ENOX1: variants seen among roughly 807,000 people sequenced by gnomAD.
The protein encoded by ENOX1 is ecto-NOX disulfide-thiol exchanger 1.
Under a neutral mutation model 82.5 loss-of-function variants are expected in ENOX1, and 42 were observed. That is an observed-to-expected ratio of 0.51 (90% CI 0.40 to 0.66). ENOX1 has a LOEUF of 0.66. Ranked by LOEUF, ENOX1 falls within the 30% of genes least tolerant of loss-of-function variation. The pLI is 0.00. For synonymous variants in ENOX1, 271 were observed against 282.2 expected, an observed-to-expected ratio of 0.96 and a Z score of 0.40; for missense variants, 608 against 811.6, an observed-to-expected ratio of 0.75 and a Z score of 3.05.
At position 43,344,714 on chromosome 13, in the gene ENOX1, A is replaced by G; in HGVS notation, c.860T>C (p.Leu287Pro). ...SKFSEAITVL[L>P]SWIERGEVNR... ...CACTTCCCCTCGTTCAATCCAGGAA[A>G]GCAGCACTGTGATAGCCTCTGAAAA... Residue 287 changes from leucine (L) to proline (P), a missense_variant, in exon 9 of 17, where the codon CTT becomes CCT. Physicochemically the swap from Leu to Pro is moderately conservative, Grantham distance 98. Transcript: ENST00000690772. 3 of 1,614,200 alleles carry G rather than the reference A, an allele frequency of 1.9e-6. No individual in the cohort carries two copies. Among genetic ancestry groups the G allele is most frequent in the South Asian group, 2.2e-5 (2 of 91,078 alleles).
At chr13:43,243,135 C>CAAAAAAA (rs748084568) in intron 14 of ENOX1, among the ~76,000 whole-genome samples, 6 of 81,552 alleles carry the variant, frequency 7.4e-5, no homozygotes, top group Admixed American at 5.5e-4. Context: ...GACTCTGTCT[C>CAAAAAAA]AAAAAAAAAA....
chr13:43,735,696 G>T (rs2089593029), intron 1 of ENOX1, among the ~76,000 whole-genome samples: 1 of 152,140 alleles, frequency 6.6e-6, no homozygotes, highest in Non-Finnish European at 1.5e-5. Flanking sequence ...ACTCCAGCCT[G>T]GGTGACAGAG....
At chr13:43,249,337 C>T (rs2043319147) in intron 14 of ENOX1, among the ~76,000 whole-genome samples, 1 of 152,156 alleles carries the variant, frequency 6.6e-6, no homozygotes, top group Non-Finnish European at 1.5e-5. Context: ...GTAACCCACA[C>T]TGCTATAGCT....
intron 15 of ENOX1, among the ~76,000 whole-genome samples, chr13:43,228,095 C>CTTTTTT (rs551861545): frequency 1.4e-4 from 12 of 84,718 alleles, no homozygotes; most frequent in African/African-American, 5.1e-4. Context: ...CTCTTTGCAG[C>CTTTTTT]TTTTTTTTTT....
At position 43,388,142 on chromosome 13, in the gene ENOX1, G is replaced by A. The variant is rs2052546230; in HGVS notation, c.208+23774C>T. ...TAACAACAATGAAGCCTGCCAGATTGGTGTCACTTAAGAGACATGATCTAA... is the reference window on the plus strand; with the variant it reads ...TAACAACAATGAAGCCTGCCAGATTAGTGTCACTTAAGAGACATGATCTAA... On this transcript the variant is annotated intron_variant, in intron 5 of 16. Coordinates refer to ENST00000690772, the MANE Select transcript of ENOX1 (RefSeq NM_001347969.2). Among the ~76,000 whole-genome samples, 4 of 152,138 alleles carry A rather than the reference G, an allele frequency of 2.6e-5. No homozygotes were observed. In the South Asian group the frequency reaches 8.3e-4, roughly 32 times the overall value.
At chr13:43,779,830 T>C (rs1189914481) in intron 1 of ENOX1, among the ~76,000 whole-genome samples, 2 of 152,166 alleles carry the variant, frequency 1.3e-5, no homozygotes, top group Non-Finnish European at 2.9e-5. Context: ...GCAAGCAGCA[T>C]GTTCTCTTCC....
intron 2 of ENOX1, among the ~76,000 whole-genome samples, chr13:43,661,415 A>G (rs1396152047): frequency 6.6e-6 from 1 of 152,202 alleles, no homozygotes; most frequent in Non-Finnish European, 1.5e-5. Context: ...TGTCTGGACA[A>G]GTCTGAACAC....
chr13:43,443,145 C>T (rs2056447073), intron 3 of ENOX1, among the ~76,000 whole-genome samples: 1 of 152,132 alleles, frequency 6.6e-6, no homozygotes, highest in African/African-American at 2.4e-5. Context: ...TGCATTTTAA[C>T]ACATACTTTT....
intron 3 of ENOX1, among the ~76,000 whole-genome samples, chr13:43,426,096 C>A (rs1406036864): frequency 6.6e-6 from 1 of 152,196 alleles, no homozygotes; most frequent in Non-Finnish European, 1.5e-5. Context: ...GGCACTGTCT[C>A]CTTCCTGCCT....
At chr13:43,611,521 C>T (rs2082201570) in intron 2 of ENOX1, among the ~76,000 whole-genome samples, 1 of 152,202 alleles carries the variant, frequency 6.6e-6, no homozygotes, top group Non-Finnish European at 1.5e-5. Context: ...ATCCACAATA[C>T]TCCCTGAAGT....
At chr13:43,327,007 T>G (rs1253226873) in intron 9 of ENOX1, among the ~76,000 whole-genome samples, 2 of 152,210 alleles carry the variant, frequency 1.3e-5, no homozygotes, top group African/African-American at 4.8e-5. Flanking sequence ...TCTCAAGACA[T>G]TATCATGTCC....
At chr13:43,454,841 A>ATTTTTTTTTT (rs3044064) in intron 3 of ENOX1, among the ~76,000 whole-genome samples, 1 of 143,080 alleles carries the variant, frequency 7.0e-6, no homozygotes, top group East Asian at 2.1e-4. Context: ...TATTGAAACC[A>ATTTTTTTTTT]TTTTTTTTTT....
At chr13:43,753,267 C>T (rs978952606) in intron 1 of ENOX1, among the ~76,000 whole-genome samples, 2 of 152,260 alleles carry the variant, frequency 1.3e-5, no homozygotes, top group Non-Finnish European at 1.5e-5. Context: ...GAAAAAATGA[C>T]ATCATAACAA....
chr13:43,315,593 G>A (rs1316974620), intron 11 of ENOX1, among the ~76,000 whole-genome samples: 2 of 152,174 alleles, frequency 1.3e-5, no homozygotes, highest in African/African-American at 4.8e-5. Flanking sequence ...ACAACACTGT[G>A]TTAATTTTGC....
At chr13:43,734,643 C>G (rs2089518532) in intron 1 of ENOX1, among the ~76,000 whole-genome samples, 1 of 152,180 alleles carries the variant, frequency 6.6e-6, no homozygotes, top group Admixed American at 6.5e-5. Context: ...AAACTTCATG[C>G]TTCAACATCC....
intron 16 of ENOX1, 79 bp from the exon 17 acceptor site, chr13:43,214,200 T>C (rs2041338175): frequency 7.6e-6 from 11 of 1,451,474 alleles, no homozygotes; most frequent in Non-Finnish European, 1.0e-5. Context: ...GGATGAGCTT[T>C]CCCAGTGATA....
At chr13:43,624,186 G>A (rs747334849) in intron 2 of ENOX1, among the ~76,000 whole-genome samples, 3 of 152,106 alleles carry the variant, frequency 2.0e-5, no homozygotes, top group Non-Finnish European at 4.4e-5. Flanking sequence ...ATGATGTTCA[G>A]CATCTCTTAA....
At chr13:43,404,894 G>A (rs1430027344) in intron 5 of ENOX1, among the ~76,000 whole-genome samples, 1 of 152,142 alleles carries the variant, frequency 6.6e-6, no homozygotes, top group Non-Finnish European at 1.5e-5. Context: ...ACACTTGATA[G>A]TGAGAAATCT....
chr13:43,338,981 G>A (rs1051525951), intron 9 of ENOX1, among the ~76,000 whole-genome samples: 4 of 152,124 alleles, frequency 2.6e-5, no homozygotes, highest in Admixed American at 1.3e-4. Context: ...CACCGTGCCC[G>A]GCCTCGGGTT....
Sources: allele counts gnomAD v4.1 joint callset (sites outside exome capture counted in the v4.1 genomes callset), GRCh38; gene constraint gnomAD v4.1.1; transcripts MANE v1.5; gene names NCBI Gene and HGNC (gene_info 2026-07-23, HGNC 2026-07-21).